The following SEC24A variants were observed in gnomAD, a reference collection of about 807,000 sequenced individuals.
The protein encoded by SEC24A is protein transport protein Sec24A.
A neutral mutation model predicts 129.4 loss-of-function variants in SEC24A; 93 were observed. The ratio of observed to expected loss-of-function variants is 0.72; its 90% CI spans 0.61 to 0.85. SEC24A has a LOEUF of 0.85. SEC24A is among the 40% of genes least tolerant of loss of function. SEC24A has a pLI of 0.00. For missense variants in SEC24A, 1,264 were observed against 1,307.4 expected (o/e 0.97, Z 0.51); for synonymous variants, 460 against 467.3 (o/e 0.98, Z 0.20).
At chr5:134,681,651 ATTTCCTGAACTATAGC>A (rs1751278339) in intron 8 of SEC24A, among the ~76,000 whole-genome samples, 2 of 152,130 alleles carry the variant, frequency 1.3e-5, no homozygotes, top group East Asian at 3.9e-4. Context: ...AAACCAGGCT[ATTTCCTGAACTATAGC>A]TTAACCTTTA....
chr5:134,703,228 A>G (rs1285120694), intron 15 of SEC24A, among the ~76,000 whole-genome samples: 3 of 152,202 alleles, frequency 2.0e-5, no homozygotes, highest in Non-Finnish European at 4.4e-5. Flanking sequence ...ATAAGTATCT[A>G]GAATTTTGAT....
chr5:134,719,381 CAAAA>C (rs34242727), intron 20 of SEC24A, among the ~76,000 whole-genome samples: 2 of 61,472 alleles, frequency 3.3e-5, no homozygotes, highest in Admixed American at 1.9e-4. Flanking sequence ...TACCTAGTCT[CAAAA>C]AAAAAAAAAA....
At chr5:134,687,594 C>G (rs1296177791) in intron 10 of SEC24A, among the ~76,000 whole-genome samples, 1 of 152,162 alleles carries the variant, frequency 6.6e-6, no homozygotes, top group East Asian at 1.9e-4. Context: ...AACTCCTTCA[C>G]TTTGGTGAAA....
chr5:134,662,500 A>G (rs1750508575), intron 2 of SEC24A, among the ~76,000 whole-genome samples: 1 of 152,170 alleles, frequency 6.6e-6, no homozygotes, highest in Non-Finnish European at 1.5e-5. Context: ...GATACTTCTC[A>G]GCAGACAGCC....
intron 7 of SEC24A, among the ~76,000 whole-genome samples, chr5:134,678,808 C>A (rs1751159580): frequency 6.6e-6 from 1 of 152,198 alleles, no homozygotes; most frequent in African/African-American, 2.4e-5. Context: ...TCTTGAACTC[C>A]TGACCTCGCG....
intron 15 of SEC24A, among the ~76,000 whole-genome samples, chr5:134,700,002 G>A (rs1017158332): frequency 2.0e-5 from 3 of 150,926 alleles, no homozygotes; most frequent in Admixed American, 6.6e-5. Context: ...CACCCAGCCT[G>A]TACTCTTATT....
At chr5:134,716,048 A>G (rs752543777) in intron 19 of SEC24A, among the ~76,000 whole-genome samples, 2 of 152,176 alleles carry the variant, frequency 1.3e-5, no homozygotes, top group Non-Finnish European at 2.9e-5. Context: ...AAGTTGTAAC[A>G]TTGTTTTCCT....
At chr5:134,714,631 A>C (rs1752426236) in intron 18 of SEC24A, among the ~76,000 whole-genome samples, 1 of 152,192 alleles carries the variant, frequency 6.6e-6, no homozygotes, top group African/African-American at 2.4e-5. Flanking sequence ...GACGTAATGG[A>C]TATCTTTTTG....
intron 17 of SEC24A, among the ~76,000 whole-genome samples, chr5:134,707,634 TTTTG>T (rs1303056018): frequency 7.9e-5 from 12 of 152,142 alleles, no homozygotes; most frequent in East Asian, 1.9e-4. Flanking sequence ...TGGCCTATTT[TTTTG>T]TTTAAGTTAC....
intron 2 of SEC24A, among the ~76,000 whole-genome samples, chr5:134,665,489 GGTCTCCCAAA>G (rs1233073773): frequency 6.6e-6 from 1 of 150,510 alleles, no homozygotes; most frequent in Non-Finnish European, 1.5e-5. Flanking sequence ...CTTCTGCCTC[GGTCTCCCAAA>G]GTCCTGGTAT....
At chr5:134,705,090 A>T (rs246343) in intron 16 of SEC24A, among the ~76,000 whole-genome samples, 17,077 of 122,948 alleles carry the variant, frequency 0.14, 1,215 homozygotes, top group East Asian at 0.19. Flanking sequence ...ATATATATAT[A>T]TTTTTTTTTT....
At chr5:134,724,654 A>C (rs1489993944) in intron 22 of SEC24A, among the ~76,000 whole-genome samples, 1 of 151,882 alleles carries the variant, frequency 6.6e-6, no homozygotes, top group Non-Finnish European at 1.5e-5. Context: ...AAATCCATTC[A>C]GTTATTTCCA....
At chr5:134,671,376 G>C (rs1750853578) in intron 3 of SEC24A, among the ~76,000 whole-genome samples, 1 of 152,056 alleles carries the variant, frequency 6.6e-6, no homozygotes, top group Non-Finnish European at 1.5e-5. Flanking sequence ...TCTTTAGGTA[G>C]TTTTGATTTT....
chr5:134,703,820 G>A lies in SEC24A; in HGVS notation c.2328G>A (p.Leu776=), dbSNP rs760915201. The change falls in exon 16 of 23, where the codon TTG becomes TTA. Residue 776 remains leucine, a synonymous_variant. Coordinates refer to ENST00000398844, the MANE Select transcript of SEC24A (RefSeq NM_021982.3). ...FFVRSTDLLS[L]PNVNPDAGYA... ...TTAGGTCAACCGACTTACTGTCTTT[G>A]CCTAACGTCAACCCAGACGCTGGGT... is the stretch of plus-strand genomic sequence containing the variant. The A allele has an allele frequency of 3.1e-6, 5 of 1,613,152 alleles. No homozygotes were observed. The Admixed American group carries it at 8.3e-5, about 27-fold the overall frequency.
At chr5:134,662,073 C>T (rs1020786679) in intron 2 of SEC24A, among the ~76,000 whole-genome samples, 45 of 152,010 alleles carry the variant, frequency 3.0e-4, no homozygotes, top group Non-Finnish European at 8.8e-5. Context: ...TCAGGTAATC[C>T]GCCCACCTCA....
chr5:134,723,815 G>A (rs1752687856), intron 22 of SEC24A, 145 bp downstream of exon 22: 2 of 571,040 alleles, frequency 3.5e-6, no homozygotes, highest in Non-Finnish European at 3.1e-6. Flanking sequence ...TCCAATGATT[G>A]GAAATACAGA....
At chr5:134,699,497 C>T (rs1751935821) in intron 15 of SEC24A, among the ~76,000 whole-genome samples, 1 of 151,730 alleles carries the variant, frequency 6.6e-6, no homozygotes, top group Non-Finnish European at 1.5e-5. Context: ...GACGGGGTTT[C>T]ACCATGTTAG....
chr5:134,721,138 CA>C, intron 21 of SEC24A, 48 bp downstream of exon 21: 1 of 1,142,604 alleles, frequency 8.8e-7, no homozygotes, highest in Non-Finnish European at 1.3e-6. Context: ...TCAAAGTTGG[CA>C]AAAACATGAA....
intron 16 of SEC24A, among the ~76,000 whole-genome samples, chr5:134,705,088 A>ATTTTT (rs1252732652): frequency 1.6e-4 from 21 of 129,288 alleles, no homozygotes; most frequent in Non-Finnish European, 2.9e-4. Context: ...ATATATATAT[A>ATTTTT]TATTTTTTTT....
Sources: gnomAD v4.1 joint callset for allele counts (sites outside exome capture counted in the v4.1 genomes callset) on GRCh38, gnomAD v4.1.1 for gene constraint, MANE v1.5 for transcripts, NCBI Gene and HGNC (gene_info 2026-07-23, HGNC 2026-07-21) for gene names.